Variants in SLC9A3 observed in about 807,000 individuals in gnomAD.
SLC9A3 encodes the protein solute carrier family 9 member A3, also known as sodium/hydrogen exchanger 3.
SLC9A3 carries 37 observed loss-of-function variants against 86.8 expected under a neutral mutation model. The observed-to-expected ratio is 0.43, with a 90% CI of 0.33 to 0.56. SLC9A3 has a LOEUF of 0.56. SLC9A3 is among the 20% of genes least tolerant of loss of function. SLC9A3 has a pLI of 0.06. For missense variants in SLC9A3, 1,011 were observed against 1,171.9 expected, an observed-to-expected ratio of 0.86 and a Z score of 2.00; for synonymous variants, 581 against 528.3, an observed-to-expected ratio of 1.10 and a Z score of -1.37.
At chr5:488,195 C>T (rs2303737) in intron 3 of SLC9A3, 121 bp downstream of exon 3, 586,201 of 1,122,712 alleles carry the variant, frequency 0.52, 156,359 homozygotes, top group Non-Finnish European at 0.55. Flanking sequence ...GGGACGCCCC[C>T]GGGAGGGGAG....
Position 493,552 on chromosome 5 carries a change from G to A in SLC9A3, c.212-1481C>T, listed in dbSNP as rs142410574. 1.1e-4 allele frequency among the ~76,000 whole-genome samples: 17 copies of A among 152,354 alleles called. No homozygotes were observed. The East Asian group carries it at 1.9e-3, about 17-fold the overall frequency. On this transcript the variant is annotated intron_variant, in intron 1 of 16. Coordinates refer to ENST00000264938, the MANE Select transcript of SLC9A3 (RefSeq NM_004174.4). ...GTTCTGGATTTGCCGTTCCTTCCCC[G>A]AGGATGGTCTTACACCAAATACCAC...
intron 1 of SLC9A3, among the ~76,000 whole-genome samples, chr5:518,803 C>T (rs572651175): frequency 6.6e-6 from 1 of 152,280 alleles, no homozygotes; most frequent in South Asian, 2.1e-4. Context: ...GCCACACACG[C>T]CCAGAGGCGG....
intron 1 of SLC9A3, among the ~76,000 whole-genome samples, chr5:523,820 C>A (rs1733954364): frequency 1.3e-5 from 2 of 152,174 alleles, no homozygotes; most frequent in African/African-American, 4.8e-5. Context: ...CTGCAGTCTG[C>A]GGGGCTCGGA....
In SLC9A3 at chr5:472,262, G is replaced by A; in HGVS notation, c.*1117C>T. On this transcript the variant is annotated 3_prime_UTR_variant, in exon 17 of 17. Coordinates refer to ENST00000264938, the MANE Select transcript of SLC9A3 (RefSeq NM_004174.4). The stretch of plus-strand genomic sequence containing the variant: ...TCGCCCTGGGACGCTGGAAGGGGTG[G>A]GAAGGGTCAGGGGTCCGGGGTCTAG... 2.8e-6 allele frequency: 1 copy of A among 352,950 alleles called. No homozygotes were observed. Among genetic ancestry groups the A allele is most frequent in the Non-Finnish European group, 5.6e-6 (1 of 179,122 alleles). 21.9% of individuals were successfully genotyped at this position (352,950 alleles called of 1,614,324 possible).
chr5:524,344 C>T lies in SLC9A3; in HGVS notation c.-22G>A. ...ACATTGCCGCCTGCTCAGCGCAGGG[C>T]TGGGACGCGCATGTCGCGGGGGGTC... On this transcript the variant is annotated 5_prime_UTR_variant, in exon 1 of 17. Coordinates refer to ENST00000264938, the MANE Select transcript of SLC9A3 (RefSeq NM_004174.4). The T allele has an allele frequency of 9.0e-7, 1 of 1,106,736 alleles. No homozygotes were observed. Among genetic ancestry groups the T allele is most frequent in the Non-Finnish European group, 1.1e-6 (1 of 884,630 alleles). 68.6% of individuals were successfully genotyped at this position (1,106,736 alleles called of 1,614,324 possible).
At chr5:480,903 T>C (rs926592349) in intron 9 of SLC9A3, 1 of 152,310 alleles carries the variant, frequency 6.6e-6, no homozygotes, top group African/African-American at 2.4e-5. Context: ...CTCTTTTTTT[T>C]ATTTTGGGAC....
At chr5:475,916 C>T (rs991056634) in intron 14 of SLC9A3, 104 bp downstream of exon 14, 98 of 1,050,584 alleles carry the variant, frequency 9.3e-5, no homozygotes, top group Non-Finnish European at 1.2e-4. Context: ...CTGGAGGGTC[C>T]CCAGAGGGGA....
At chr5:502,746 T>C (rs1333178188) in intron 1 of SLC9A3, among the ~76,000 whole-genome samples, 1 of 152,188 alleles carries the variant, frequency 6.6e-6, no homozygotes, top group East Asian at 1.9e-4. Flanking sequence ...TTTTAGGTCC[T>C]GCAAGCTGCC....
rs999508865 is a variant in SLC9A3 at position 471,527 on chromosome 5, C to T, written c.*1852G>A. 1.7e-5 allele frequency: 6 copies of T among 343,694 alleles called. No individual in the cohort carries two copies. Among genetic ancestry groups the T allele is most frequent in the East Asian group, 7.6e-5 (1 of 13,172 alleles). The allele number at this position is 343,694 out of a possible 1,614,324, so 21.3% of individuals were successfully genotyped here. On this transcript the variant is annotated 3_prime_UTR_variant, in exon 17 of 17. Transcript: ENST00000264938. ...GGCCTGTCAGAACAGCCACTTGTGC[C>T]GGGAAGGCCAGGCCCCGGCCTGCTC...
intron 1 of SLC9A3, among the ~76,000 whole-genome samples, chr5:513,837 G>A (rs1173333255): frequency 6.6e-6 from 1 of 152,248 alleles, no homozygotes; most frequent in Non-Finnish European, 1.5e-5. Flanking sequence ...TTGTGTTGCG[G>A]ATTTAGGTCG....
In SLC9A3 at chr5:491,028, C is replaced by T. The variant is rs75657510; in HGVS notation, c.514+741G>A. ...GGGCCGTGCTCTCTCTTGAACCAGA[C>T]GGAAAATCGCCAATTCTTGTGAGTC... On this transcript the variant is annotated intron_variant, in intron 2 of 16. Coordinates refer to ENST00000264938, the MANE Select transcript of SLC9A3 (RefSeq NM_004174.4). The surrounding 1 kb of genome is among the most constrained non-coding windows in gnomAD (Gnocchi z 9.2). Among the ~76,000 whole-genome samples, 18,415 of 152,254 alleles carry T rather than the reference C, an allele frequency of 0.12. 1,428 individuals carry two copies. Among genetic ancestry groups the T allele is most frequent in the Admixed American group, 0.19 (2,869 of 15,282 alleles).
intron 15 of SLC9A3, 112 bp downstream of exon 15, chr5:475,449 A>C: frequency 1.4e-6 from 1 of 693,436 alleles, no homozygotes; most frequent in Non-Finnish European, 2.5e-6. Context: ...GAGAACCCAC[A>C]GGAGACCCCA....
intron 5 of SLC9A3, among the ~76,000 whole-genome samples, chr5:483,926 C>T (rs994321965): frequency 2.6e-5 from 4 of 152,280 alleles, no homozygotes; most frequent in African/African-American, 7.2e-5. Context: ...GAAGGTCCCG[C>T]GCTAGGACAG....
chr5:507,360 G>T (rs1478497473), intron 1 of SLC9A3, among the ~76,000 whole-genome samples: 2 of 39,178 alleles, frequency 5.1e-5, no homozygotes, highest in African/African-American at 2.2e-4. Context: ...GTAGAGACGG[G>T]GTTTCACCGT....
intron 1 of SLC9A3, among the ~76,000 whole-genome samples, chr5:522,153 A>G (rs1733901450): frequency 6.6e-6 from 1 of 152,194 alleles, no homozygotes; most frequent in Non-Finnish European, 1.5e-5. Context: ...CGAGACAAAG[A>G]CAGCCGCTGA....
At chr5:490,848 TGGTGGGTGATGCTGGAC>T (rs984904037) in intron 2 of SLC9A3, among the ~76,000 whole-genome samples, 4 of 152,164 alleles carry the variant, frequency 2.6e-5, no homozygotes, top group African/African-American at 9.7e-5. Flanking sequence ...GGGCTGCACC[TGGTGGGTGATGCTGGAC>T]GGCAGGGACT....
At position 482,344 on chromosome 5, in the gene SLC9A3, C is replaced by T. The variant is rs181173639; in HGVS notation, c.1357-187G>A. Among the ~76,000 whole-genome samples, 29 of 152,248 alleles carry T rather than the reference C, an allele frequency of 1.9e-4. No individual in the cohort carries two copies. In the East Asian group the frequency reaches 4.5e-3, roughly 24 times the overall value. On this transcript the variant is annotated intron_variant, in intron 7 of 16. Transcript: ENST00000264938. ...CAGCACCCGGGGCCTCATCCACCAG[C>T]GAAGGCCCGGGAAGAACATTTTTAG...
rs191423927 is a variant in SLC9A3, at chr5:509,317, C to T, written c.211+14795G>A. On this transcript the variant is annotated intron_variant, in intron 1 of 16. Coordinates refer to ENST00000264938, the MANE Select transcript of SLC9A3 (RefSeq NM_004174.4). ...TAAATTACAAAAATTAGCTGGGTAC[C>T]GTGGCGCATGCCTGTAATCCCAGCT... Among the ~76,000 whole-genome samples, 691 of 151,346 alleles carry T rather than the reference C, an allele frequency of 4.6e-3. 2 individuals are homozygous for T. Among genetic ancestry groups the T allele is most frequent in the Non-Finnish European group, 7.9e-3 (534 of 67,826 alleles).
chr5:493,833 C>T lies in SLC9A3; in HGVS notation c.212-1762G>A, dbSNP rs1049680810. Among the ~76,000 whole-genome samples, 55 of 152,236 alleles carry T rather than the reference C, an allele frequency of 3.6e-4. 1 individual carries two copies. Among genetic ancestry groups the T allele is most frequent in the African/African-American group, 1.3e-3 (53 of 41,472 alleles). On this transcript the variant is annotated intron_variant, in intron 1 of 16. Transcript: ENST00000264938. ...GAGCCCCCCGACGGCTCCCCCACTC[C>T]GGGCTGCACATCCTGCACAGATCTG...
Sources: allele counts gnomAD v4.1 joint callset (sites outside exome capture counted in the v4.1 genomes callset), GRCh38; gene constraint gnomAD v4.1.1; non-coding constraint Gnocchi (gnomAD v3.1); transcripts MANE v1.5; gene names NCBI Gene and HGNC (gene_info 2026-07-23, HGNC 2026-07-21).